The following PCDHGA3 variants were observed in gnomAD, a reference collection of about 807,000 sequenced individuals.
PCDHGA3 encodes the protein protocadherin gamma subfamily A, 3.
A neutral mutation model predicts 58.5 loss-of-function variants in PCDHGA3; 40 were observed. The ratio of observed to expected loss-of-function variants is 0.68; its 90% confidence interval spans 0.53 to 0.89. The LOEUF is 0.89. Ranked by LOEUF, PCDHGA3 falls within the 40% of genes least tolerant of loss-of-function variation. The pLI, the probability that PCDHGA3 is intolerant of heterozygous loss-of-function variation, is 0.00. For missense variants in PCDHGA3, 1,223 were observed against 1,195.9 expected, an observed-to-expected ratio of 1.02 and a Z score of -0.33; for synonymous variants, 530 against 525.7, an observed-to-expected ratio of 1.01 and a Z score of -0.11.
At chr5:141,366,966 A>C in intron 1 of PCDHGA3, 1 of 605,066 alleles carries the variant, frequency 1.7e-6, no homozygotes. Context: ...TAAGTGAAAC[A>C]AATACCTTAA....
intron 1 of PCDHGA3, among the ~76,000 whole-genome samples, chr5:141,379,889 C>CTTTTTTTTTTTTTTGTTTTTTTTT (rs1775951854): frequency 2.0e-5 from 1 of 50,832 alleles, no homozygotes; most frequent in Non-Finnish European, 3.9e-5. Flanking sequence ...GTGAAAGCCT[C>CTTTTTTTTTTTTTTGTTTTTTTTT]TTTTTTTTTT....
In PCDHGA3 at chr5:141,422,662, G is replaced by A. The variant is rs771844166; in HGVS notation, c.2425-72145G>A. On this transcript the variant is annotated intron_variant, in intron 1 of 3. Transcript: ENST00000253812. Reference sequence around the variant, plus strand: ...CTCCATCTTCTCAGTGACCGCCCTCGACCCGGACAGCAAACAGAATGCCCT... The same window carrying A: ...CTCCATCTTCTCAGTGACCGCCCTCAACCCGGACAGCAAACAGAATGCCCT... 4 of 1,608,410 alleles carry A rather than the reference G, an allele frequency of 2.5e-6. No individual in the cohort carries two copies. In the South Asian group the frequency reaches 3.3e-5, roughly 13 times the overall value.
chr5:141,348,302 A>T (rs918390681), intron 1 of PCDHGA3, among the ~76,000 whole-genome samples: 2 of 152,220 alleles, frequency 1.3e-5, no homozygotes, highest in Non-Finnish European at 2.9e-5. Context: ...TCACTGAAAC[A>T]TGGAAATACA....
rs777634460 is a variant in PCDHGA3 at position 141,375,881 on chromosome 5, C to T, written c.2424+29424C>T. 4 of 1,613,818 alleles carry T rather than the reference C, an allele frequency of 2.5e-6. No individual in the cohort carries two copies. The South Asian group carries it at 4.4e-5, about 18-fold the overall frequency. ...GGTGGCGGTGGACAGAGACTCGGGC[C>T]AGAACGCCTGGCTGTCCTACCGCCT... On this transcript the variant is annotated intron_variant, in intron 1 of 3. Coordinates refer to ENST00000253812, the MANE Select transcript of PCDHGA3 (RefSeq NM_018916.4).
In PCDHGA3 at chr5:141,490,761, G is replaced by GTA. The variant is rs1380770489; in HGVS notation, c.2425-4044_2425-4043dup. The GTA allele has an allele frequency of 6.2e-7, 1 of 1,614,048 alleles. No individual in the cohort carries two copies. The highest frequency in any genetic ancestry group is 1.3e-5 in the African/African-American group (1 of 74,920). On this transcript the variant is annotated intron_variant, in intron 1 of 3. Coordinates refer to ENST00000253812, the MANE Select transcript of PCDHGA3 (RefSeq NM_018916.4). The surrounding 1 kb of genome is among the most constrained non-coding windows in gnomAD (Gnocchi z 5.4). ...AGGGAGCCCCAGCCTCCTCCTTTGT[G>GTA]TATGTCAACCCAGAGGATGGACGGA...
intron 1 of PCDHGA3, chr5:141,389,244 T>C: frequency 6.2e-7 from 1 of 1,614,036 alleles, no homozygotes; most frequent in Non-Finnish European, 8.5e-7. Context: ...CTCACAGTCT[T>C]CCTATATAGT....
In PCDHGA3 at chr5:141,491,638, G is replaced by A. The variant is rs2099723160; in HGVS notation, c.2425-3169G>A. The A allele has an allele frequency of 6.2e-7, 1 of 1,613,898 alleles. No individual in the cohort carries two copies. The highest frequency in any genetic ancestry group is 1.3e-5 in the African/African-American group (1 of 75,074). ...ACCCCTCAGCGTTCAGCAGCCCACA[G>A]CTCTGGCGCTGGAGCCTGACGCCAT... On this transcript the variant is annotated intron_variant, in intron 1 of 3. Coordinates refer to ENST00000253812, the MANE Select transcript of PCDHGA3 (RefSeq NM_018916.4). The surrounding 1 kb of genome is among the most constrained non-coding windows in gnomAD (Gnocchi z 6.9).
intron 1 of PCDHGA3, chr5:141,408,684 A>G (rs1660685979): frequency 6.2e-7 from 1 of 1,613,862 alleles, no homozygotes; most frequent in African/African-American, 1.3e-5. Context: ...ACGGATCCTG[A>G]TATAAACATA....
In PCDHGA3 at chr5:141,344,807, T is replaced by A. The variant is rs764222927; in HGVS notation, c.774T>A (p.Gly258=). ...GTGTTTGGGAGAACGTGCCTGTGGG[T>A]ACCCGGCTGCTCACGGTGAATGCCA... ...RVSVWENVPV[G]TRLLTVNATD... The change falls in exon 1 of 4, where the codon GGT becomes GGA. Residue 258 remains glycine (G), a synonymous_variant. Coordinates refer to ENST00000253812, the MANE Select transcript of PCDHGA3 (RefSeq NM_018916.4). 109 of 1,613,842 alleles carry A rather than the reference T, an allele frequency of 6.8e-5. No homozygotes were observed. The highest frequency in any genetic ancestry group is 1.9e-5 in the Non-Finnish European group (22 of 1,179,898).
In PCDHGA3 at chr5:141,511,281, G is replaced by A; in HGVS notation, c.*108G>A. The A allele has an allele frequency of 2.0e-6, 3 of 1,531,280 alleles. No homozygotes were observed. Among genetic ancestry groups the A allele is most frequent in the Non-Finnish European group, 2.6e-6 (3 of 1,137,132 alleles). 94.9% of individuals were successfully genotyped at this position (1,531,280 alleles called of 1,614,324 possible). ...TTCAGGGCTAACCCCCAGAATACTG[G>A]TAGGGGCCAAGGCCATGCTCCCCTT... On this transcript the variant is annotated 3_prime_UTR_variant, in exon 4 of 4. Transcript: ENST00000253812.
chr5:141,454,796 ATTTTTTTTTTTTTTTTTT>A (rs61612330), intron 1 of PCDHGA3, among the ~76,000 whole-genome samples: 1 of 77,408 alleles, frequency 1.3e-5, no homozygotes, highest in Non-Finnish European at 2.3e-5. Flanking sequence ...CATGGTTCTA[ATTTTTTTTTTTTTTTTTT>A]TTTTTTTTTT....
intron 1 of PCDHGA3, chr5:141,374,104 T>C (rs200348921): frequency 1.6e-4 from 247 of 1,570,492 alleles, no homozygotes; most frequent in African/African-American, 4.1e-5. Context: ...CGCAGAGGCA[T>C]CCGCAGCGCA....
chr5:141,501,971 G>A (rs2099812098), intron 2 of PCDHGA3, among the ~76,000 whole-genome samples: 1 of 151,956 alleles, frequency 6.6e-6, no homozygotes. Context: ...CCTAACCTCT[G>A]GCATCTGGTC....
At chr5:141,357,422 T>C (rs1277142896) in intron 1 of PCDHGA3, 2 of 1,614,254 alleles carry the variant, frequency 1.2e-6, no homozygotes, top group East Asian at 2.2e-5. Context: ...TCGCACTTTG[T>C]GGGCGTGGAC....
At chr5:141,426,876 C>T (rs796453479) in intron 1 of PCDHGA3, 2 of 456,726 alleles carry the variant, frequency 4.4e-6, no homozygotes, top group African/African-American at 2.0e-5. Context: ...GGAGAAGCCC[C>T]TGGGCCAGGA....
chr5:141,500,520 T>A (rs2099801106), intron 2 of PCDHGA3, among the ~76,000 whole-genome samples: 1 of 152,194 alleles, frequency 6.6e-6, no homozygotes, highest in South Asian at 2.1e-4. Context: ...AGCTTCATTT[T>A]AAAAAAATCT....
At chr5:141,356,243 C>T in intron 1 of PCDHGA3, 1 of 1,581,974 alleles carries the variant, frequency 6.3e-7, no homozygotes, top group Non-Finnish European at 8.6e-7. Flanking sequence ...CCAGAAGTCA[C>T]AGTTACATCT....
At chr5:141,366,443 C>T in intron 1 of PCDHGA3, 1 of 1,614,206 alleles carries the variant, frequency 6.2e-7, no homozygotes, top group Non-Finnish European at 8.5e-7. Context: ...CTGCGTCTTC[C>T]TGGCCTTCGT....
chr5:141,372,554 A>T, intron 1 of PCDHGA3: 1 of 1,612,360 alleles, frequency 6.2e-7, no homozygotes, highest in Non-Finnish European at 8.5e-7. Flanking sequence ...GCTCCTCCAG[A>T]CCCGCCACTG....
Sources: allele counts gnomAD v4.1 joint callset (sites outside exome capture counted in the v4.1 genomes callset), GRCh38; gene constraint gnomAD v4.1.1; non-coding constraint Gnocchi (gnomAD v3.1); transcripts MANE v1.5; gene names NCBI Gene and HGNC (gene_info 2026-07-23, HGNC 2026-07-21).